The following NOG variants were observed in gnomAD, a reference collection of about 807,000 sequenced individuals.
NOG encodes the protein symphalangism 1 (proximal).
A neutral mutation model predicts 17.9 loss-of-function variants in NOG; 2 were observed. The ratio of observed to expected loss-of-function variants is 0.11; its 90% CI spans 0.05 to 0.35. The LOEUF is 0.35. NOG is among the 10% of genes least tolerant of loss of function. The pLI, the probability that NOG is intolerant of heterozygous loss-of-function variation, is 1.00. For missense variants in NOG, 266 were observed against 318.6 expected (o/e 0.83, Z 1.26); for synonymous variants, 166 against 148.7 (o/e 1.12, Z -0.85).
rs1965842705 is a variant in NOG, at chr17:56,595,022, T to C, written c.*100T>C. ...GTTCCACCACCCTCTAGCGAGGGTTTTCAATGAACTTTTTTTTTTTTTTTT... is the reference window on the plus strand; with the variant it reads ...GTTCCACCACCCTCTAGCGAGGGTTCTCAATGAACTTTTTTTTTTTTTTTT... On this transcript the variant is annotated 3_prime_UTR_variant, in exon 1 of 1. Transcript: ENST00000332822. The C allele has an allele frequency of 8.1e-6, 6 of 737,892 alleles. No homozygotes were observed. Among genetic ancestry groups the C allele is most frequent in the Non-Finnish European group, 1.3e-5 (6 of 456,436 alleles). The allele number at this position is 737,892 out of a possible 1,614,324, so 45.7% of individuals were successfully genotyped here.
chr17:56,594,746 G>T lies in NOG; in HGVS notation c.523G>T (p.Val175Leu). The T allele has an allele frequency of 6.2e-7, 1 of 1,613,908 alleles. No individual in the cohort carries two copies. Among genetic ancestry groups the T allele is most frequent in the South Asian group, 1.1e-5 (1 of 91,046 alleles). ...GSRFWPRYVK[V>L]GSCFSKRSCS... ...CCGCTTTTGGCCGCGCTACGTGAAGGTGGGCAGCTGCTTCAGTAAGCGCTC... is the reference window on the plus strand; with the variant it reads ...CCGCTTTTGGCCGCGCTACGTGAAGTTGGGCAGCTGCTTCAGTAAGCGCTC... Residue 175 changes from valine (V) to leucine (L), a missense_variant, in exon 1 of 1, where the codon GTG (valine) becomes TTG (leucine). Around this residue, in one of 2 missense-constraint regions of NOG, gnomAD observed 74 missense variants for 121.0 expected, o/e 0.61. Transcript: ENST00000332822.
chr17:56,594,263 C>G lies in NOG; in HGVS notation c.40C>G (p.Leu14Val), dbSNP rs760219464. Residue 14 changes from leucine (L) to valine (V), a missense_variant, in exon 1 of 1, where the codon CTG (leucine) becomes GTG (valine). Transcript: ENST00000332822. ...CAGCCTAGGGGTCACCCTCTACGCC[C>G]TGGTGGTGGTCCTGGGGCTGCGGGC... ...CPSLGVTLYA[L>V]VVVLGLRATP... 1 of 1,609,604 alleles carries G rather than the reference C, an allele frequency of 6.2e-7. No individual in the cohort carries two copies. Among genetic ancestry groups the G allele is most frequent in the South Asian group, 1.1e-5 (1 of 90,628 alleles).
chr17:56,594,026 G>C lies in NOG; in HGVS notation c.-198G>C. 4.2e-6 allele frequency: 2 copies of C among 474,792 alleles called. No homozygotes were observed. The highest frequency in any genetic ancestry group is 7.2e-5 in the East Asian group (2 of 27,600). 29.4% of individuals were successfully genotyped at this position (474,792 alleles called of 1,614,324 possible). A position where few individuals can be genotyped will look rare whatever the true frequency, so the allele number is the denominator to read the frequency against. On this transcript the variant is annotated 5_prime_UTR_variant, in exon 1 of 1. Coordinates refer to ENST00000332822, the MANE Select transcript of NOG (RefSeq NM_005450.6). ...GGGAGAGGAGTTGCGGCCAACTTGT[G>C]TGCCTTTCTTCCGCCCCGGTGGGAG... is the stretch of plus-strand genomic sequence containing the variant.
Position 56,594,448 on chromosome 17 carries a change from C to T in NOG, c.225C>T (p.Asp75=). ...LLRSLLGGHY[D]PGFMATSPPE... ...GCTCGCTGCTCGGGGGCCACTACGA[C>T]CCAGGCTTCATGGCCACCTCGCCCC... The change falls in exon 1 of 1, where the codon GAC becomes GAT. Residue 75 remains aspartate (D), a synonymous_variant. Coordinates refer to ENST00000332822, the MANE Select transcript of NOG (RefSeq NM_005450.6). The T allele has an allele frequency of 6.2e-7, 1 of 1,612,998 alleles. No individual in the cohort carries two copies.
Position 56,594,379 on chromosome 17 carries a change from T to C in NOG, c.156T>C (p.Pro52=). Residue 52 remains proline (P), a synonymous_variant, in exon 1 of 1, where the codon CCT becomes CCC. Transcript: ENST00000332822. Reference sequence around the variant, plus strand: ...TGGACCTCATCGAACACCCAGACCCTATCTTTGACCCCAAGGAAAAGGATC... The same window carrying C: ...TGGACCTCATCGAACACCCAGACCCCATCTTTGACCCCAAGGAAAAGGATC... The part of the protein sequence containing the change: ...PLVDLIEHPD[P]IFDPKEKDLN... 6.2e-7 allele frequency: 1 copy of C among 1,613,300 alleles called. No homozygotes were observed. The highest frequency in any genetic ancestry group is 2.2e-5 in the East Asian group (1 of 44,848).
At position 56,594,954 on chromosome 17, in the gene NOG, C is replaced by T. The variant is rs1336891424; in HGVS notation, c.*32C>T. On this transcript the variant is annotated 3_prime_UTR_variant, in exon 1 of 1. Transcript: ENST00000332822. Reference sequence around the variant, plus strand: ...GGGGCCCCCTGCCCGCACCCGGACACTTGATCGATCCCCACCGACGCCCCC... The same window carrying T: ...GGGGCCCCCTGCCCGCACCCGGACATTTGATCGATCCCCACCGACGCCCCC... The T allele has an allele frequency of 1.3e-6, 2 of 1,504,660 alleles. No homozygotes were observed. Among genetic ancestry groups the T allele is most frequent in the African/African-American group, 2.8e-5 (2 of 72,052 alleles). 93.2% of individuals were successfully genotyped at this position (1,504,660 alleles called of 1,614,324 possible).
At position 56,594,078 on chromosome 17, in the gene NOG, G is replaced by A; in HGVS notation, c.-146G>A. On this transcript the variant is annotated 5_prime_UTR_variant, in exon 1 of 1. Coordinates refer to ENST00000332822, the MANE Select transcript of NOG (RefSeq NM_005450.6). ...CGGCGCTGCGCGAAGGGCTCTCCCGGCGGCTCATGCTGCCGGCCCTGCGCC... is the reference window on the plus strand; with the variant it reads ...CGGCGCTGCGCGAAGGGCTCTCCCGACGGCTCATGCTGCCGGCCCTGCGCC... 1 of 564,356 alleles carries A rather than the reference G, an allele frequency of 1.8e-6. No homozygotes were observed. Among genetic ancestry groups the A allele is most frequent in the South Asian group, 3.0e-5 (1 of 33,388 alleles). The allele number at this position is 564,356 out of a possible 1,614,324, so 35.0% of individuals were successfully genotyped here.
In NOG at chr17:56,594,153, C is replaced by A. The variant is rs1398960070; in HGVS notation, c.-71C>A. 2 of 1,350,312 alleles carry A rather than the reference C, an allele frequency of 1.5e-6. No individual in the cohort carries two copies. The highest frequency in any genetic ancestry group is 1.5e-5 in the African/African-American group (1 of 65,956). 83.6% of individuals were successfully genotyped at this position (1,350,312 alleles called of 1,614,324 possible). A position where few individuals can be genotyped will look rare whatever the true frequency, so the allele number is the denominator to read the frequency against. On this transcript the variant is annotated 5_prime_UTR_variant, in exon 1 of 1. Transcript: ENST00000332822. Reference sequence around the variant, plus strand: ...CCGGAGAGACGGGGGAGCGCGGCGGCGCCGCGGGCTCGGCGTGCTCTCCTC... The same window carrying A: ...CCGGAGAGACGGGGGAGCGCGGCGGAGCCGCGGGCTCGGCGTGCTCTCCTC...
Position 56,593,898 on chromosome 17 carries a change from C to CTCCAACCAGTTCCACCACCCTCTA in NOG, c.-326_-325insTCCAACCAGTTCCACCACCCTCTA. 1 of 319,272 alleles carries CTCCAACCAGTTCCACCACCCTCTA rather than the reference C, an allele frequency of 3.1e-6. No individual in the cohort carries two copies. The highest frequency in any genetic ancestry group is 5.7e-6 in the Non-Finnish European group (1 of 176,272). The allele number at this position is 319,272 out of a possible 1,614,324, so 19.8% of individuals were successfully genotyped here. A position where few individuals can be genotyped will look rare whatever the true frequency, so the allele number is the denominator to read the frequency against. On this transcript the variant is annotated 5_prime_UTR_variant, in exon 1 of 1. Coordinates refer to ENST00000332822, the MANE Select transcript of NOG (RefSeq NM_005450.6). Reference sequence around the variant, plus strand: ...GGCTCGTCCACGCGCCCTGCGCCGCCGCCGGCCCGGGAAGGCAGCGAGGAG... The same window carrying CTCCAACCAGTTCCACCACCCTCTA: ...GGCTCGTCCACGCGCCCTGCGCCGCCTCCAACCAGTTCCACCACCCTCTAGCCGGCCCGGGAAGGCAGCGAGGAG...
chr17:56,595,186 A>G lies in NOG; in HGVS notation c.*264A>G. ...TAAAAGGTCAGTATTATACGTTAAA[A>G]GTTACCGGCTTCTACTGTATTTTTA... is the stretch of plus-strand genomic sequence containing the variant. On this transcript the variant is annotated 3_prime_UTR_variant, in exon 1 of 1. Transcript: ENST00000332822. 2.9e-6 allele frequency: 1 copy of G among 343,892 alleles called. No individual in the cohort carries two copies. Among genetic ancestry groups the G allele is most frequent in the Non-Finnish European group, 5.4e-6 (1 of 184,428 alleles). The allele number at this position is 343,892 out of a possible 1,614,324, so 21.3% of individuals were successfully genotyped here.
Position 56,595,031 on chromosome 17 carries a change from CTTTTTTTTTTTTTTT to C in NOG, c.*121_*135del. The stretch of plus-strand genomic sequence containing the variant: ...CCCTCTAGCGAGGGTTTTCAATGAA[CTTTTTTTTTTTTTTT>C]TTTTTTTTTTTCTGGGCTACAGAGA... On this transcript the variant is annotated 3_prime_UTR_variant, in exon 1 of 1. Coordinates refer to ENST00000332822, the MANE Select transcript of NOG (RefSeq NM_005450.6). 5.5e-6 allele frequency: 2 copies of C among 364,466 alleles called. No homozygotes were observed. Among genetic ancestry groups the C allele is most frequent in the Non-Finnish European group, 9.4e-6 (2 of 212,764 alleles). 22.6% of individuals were successfully genotyped at this position (364,466 alleles called of 1,614,324 possible).
Position 56,594,691 on chromosome 17 carries a change from C to G in NOG, c.468C>G (p.Pro156=). 6.2e-7 allele frequency: 1 copy of G among 1,613,884 alleles called. No individual in the cohort carries two copies. The change falls in exon 1 of 1, where the codon CCC becomes CCG. Residue 156 remains proline (P), a synonymous_variant. Transcript: ENST00000332822. ...GGCTGTGGTCGCAGACATTCTGCCCCGTGCTGTACGCGTGGAACGACCTGG... is the reference window on the plus strand; with the variant it reads ...GGCTGTGGTCGCAGACATTCTGCCCGGTGCTGTACGCGTGGAACGACCTGG... ...QMWLWSQTFC[P]VLYAWNDLGS...
chr17:56,594,576 G>C lies in NOG; in HGVS notation c.353G>C (p.Ser118Thr). 6.2e-7 allele frequency: 1 copy of C among 1,601,858 alleles called. No homozygotes were observed. Residue 118 changes from serine (S) to threonine (T), a missense_variant, in exon 1 of 1, where the codon AGC becomes ACC. Coordinates refer to ENST00000332822, the MANE Select transcript of NOG (RefSeq NM_005450.6). ...CAGCGGCCGTCGGGGGCCATGCCGA[G>C]CGAGATCAAAGGGCTAGAGTTCTCC... ...LRQRPSGAMPSEIKGLEFSEG... is the reference protein window; with the variant it reads ...LRQRPSGAMPTEIKGLEFSEG...
At position 56,593,721 on chromosome 17, in the gene NOG, A is replaced by ACGCCGC. The variant is rs544678481; in HGVS notation, c.-487_-482dup. On this transcript the variant is annotated 5_prime_UTR_variant, in exon 1 of 1. Coordinates refer to ENST00000332822, the MANE Select transcript of NOG (RefSeq NM_005450.6). ...GACAAACCGGTGCCAACGTGCGCGG[A>ACGCCGC]CGCCGCCGCCGCCGCCGCCGCTGGA... 72 of 150,428 alleles carry ACGCCGC rather than the reference A, an allele frequency of 4.8e-4. 3 individuals are homozygous for ACGCCGC. Among genetic ancestry groups the ACGCCGC allele is most frequent in the African/African-American group, 7.6e-4 (25 of 32,930 alleles). The allele number at this position is 150,428 out of a possible 1,614,324, so 9.3% of individuals were successfully genotyped here.
rs1407568275 is a variant in NOG at position 56,594,465 on chromosome 17, C to T, written c.242C>T (p.Thr81Ile). The change falls in exon 1 of 1, where the codon ACC (threonine) becomes ATC (isoleucine). Residue 81 changes from threonine (T) to isoleucine (I), a missense_variant. Transcript: ENST00000332822. ...GGHYDPGFMATSPPEDRPGGG... is the reference protein window; with the variant it reads ...GGHYDPGFMAISPPEDRPGGG... ...CACTACGACCCAGGCTTCATGGCCA[C>T]CTCGCCCCCCGAGGACCGGCCCGGC... is the stretch of plus-strand genomic sequence containing the variant. The T allele has an allele frequency of 1.2e-6, 2 of 1,612,462 alleles. No individual in the cohort carries two copies. Among genetic ancestry groups the T allele is most frequent in the African/African-American group, 1.3e-5 (1 of 74,998 alleles).
chr17:56,594,975 C>CT lies in NOG; in HGVS notation c.*53_*54insT, dbSNP rs2145567719. On this transcript the variant is annotated 3_prime_UTR_variant, in exon 1 of 1. Coordinates refer to ENST00000332822, the MANE Select transcript of NOG (RefSeq NM_005450.6). ...GACACTTGATCGATCCCCACCGACG[C>CT]CCCCTGCACCGCCTCCAACCAGTTC... is the stretch of plus-strand genomic sequence containing the variant. The CT allele has an allele frequency of 1.5e-6, 2 of 1,296,776 alleles. No homozygotes were observed. Among genetic ancestry groups the CT allele is most frequent in the Admixed American group, 4.0e-5 (2 of 50,580 alleles). The allele number at this position is 1,296,776 out of a possible 1,614,324, so 80.3% of individuals were successfully genotyped here.
rs1271298752 is a variant in NOG, at chr17:56,594,684, T to A, written c.461T>A (p.Phe154Tyr). The change falls in exon 1 of 1, where the codon TTC becomes TAC. Residue 154 changes from phenylalanine (F) to tyrosine (Y), a missense_variant. Physicochemically the swap from Phe to Tyr is conservative, Grantham distance 22. Transcript: ENST00000332822. ...CAGATGTGGCTGTGGTCGCAGACAT[T>A]CTGCCCCGTGCTGTACGCGTGGAAC... ...KLQMWLWSQT[F>Y]CPVLYAWNDL... is the part of the protein sequence containing the mutation. 2 of 1,613,820 alleles carry A rather than the reference T, an allele frequency of 1.2e-6. No homozygotes were observed. Among genetic ancestry groups the A allele is most frequent in the Non-Finnish European group, 1.7e-6 (2 of 1,179,946 alleles).
Position 56,595,052 on chromosome 17 carries a change from T to C in NOG, c.*130T>C. On this transcript the variant is annotated 3_prime_UTR_variant, in exon 1 of 1. Transcript: ENST00000332822. Reference sequence around the variant, plus strand: ...TGAACTTTTTTTTTTTTTTTTTTTTTTTTTTCTGGGCTACAGAGACCTAGC... The same window carrying C: ...TGAACTTTTTTTTTTTTTTTTTTTTCTTTTTCTGGGCTACAGAGACCTAGC... 4.5e-6 allele frequency: 3 copies of C among 669,950 alleles called. No individual in the cohort carries two copies. The East Asian group carries it at 8.2e-5, about 18-fold the overall frequency. 41.5% of individuals were successfully genotyped at this position (669,950 alleles called of 1,614,324 possible).
chr17:56,595,072 C>G lies in NOG; in HGVS notation c.*150C>G. On this transcript the variant is annotated 3_prime_UTR_variant, in exon 1 of 1. Transcript: ENST00000332822. Reference sequence around the variant, plus strand: ...TTTTTTTTTTTCTGGGCTACAGAGACCTAGCTTTCTGGTTCCTGTAATGCA... The same window carrying G: ...TTTTTTTTTTTCTGGGCTACAGAGAGCTAGCTTTCTGGTTCCTGTAATGCA... 1 of 607,824 alleles carries G rather than the reference C, an allele frequency of 1.6e-6. No individual in the cohort carries two copies. The highest frequency in any genetic ancestry group is 2.9e-6 in the Non-Finnish European group (1 of 350,230). The allele number at this position is 607,824 out of a possible 1,614,324, so 37.7% of individuals were successfully genotyped here.
Sources: allele counts gnomAD v4.1 joint callset, GRCh38; gene constraint gnomAD v4.1.1; regional missense constraint gnomAD v4.1.1; transcripts MANE v1.5; gene names NCBI Gene and HGNC (gene_info 2026-07-23, HGNC 2026-07-21).